The following PLCE1 variants were observed in gnomAD, a reference collection of about 807,000 sequenced individuals.
The protein encoded by PLCE1 is phospholipase C epsilon 1, also known as 1-phosphatidylinositol 4,5-bisphosphate phosphodiesterase epsilon-1.
PLCE1 carries 119 observed loss-of-function variants against 242.8 expected under a neutral mutation model. That is an observed-to-expected ratio of 0.49 (90% CI 0.42 to 0.57). The LOEUF (loss-of-function observed/expected upper bound fraction) is 0.57, where lower values mean the gene tolerates loss of function less well. PLCE1 is among the 20% of genes least tolerant of loss of function. The pLI is 0.00. For synonymous variants in PLCE1, 945 were observed against 1,017.4 expected, an observed-to-expected ratio of 0.93 and a Z score of 1.35; for missense variants, 2,441 against 2,788.8, an observed-to-expected ratio of 0.88 and a Z score of 2.81.
At chr10:94,095,915 G>T (rs1343473927) in intron 2 of PLCE1, among the ~76,000 whole-genome samples, 1 of 152,166 alleles carries the variant, frequency 6.6e-6, no homozygotes, top group Non-Finnish European at 1.5e-5. Context: ...TTGTGGCCCA[G>T]CTCCCAGGCC....
At chr10:94,044,121 A>C (rs2061831238) in intron 2 of PLCE1, among the ~76,000 whole-genome samples, 2 of 152,234 alleles carry the variant, frequency 1.3e-5, no homozygotes, top group South Asian at 4.1e-4. Context: ...AGATGCCCTG[A>C]GAATCCAGTG....
intron 2 of PLCE1, among the ~76,000 whole-genome samples, chr10:94,072,635 C>A (rs2044393854): frequency 1.3e-5 from 2 of 152,176 alleles, no homozygotes; most frequent in Middle Eastern, 3.2e-3. Context: ...AGGAACTCTT[C>A]AGAATGTCTC....
At chr10:94,308,541 C>A (rs199738177) in intron 26 of PLCE1, 40 bp from the exon 27 acceptor site, 13 of 1,347,922 alleles carry the variant, frequency 9.6e-6, no homozygotes, top group Non-Finnish European at 1.4e-5. Context: ...TTTTCAGTAG[C>A]CATGGTTAAC....
intron 3 of PLCE1, among the ~76,000 whole-genome samples, chr10:94,136,689 A>G (rs7912723): frequency 0.027 from 4,037 of 152,338 alleles, 167 homozygotes; most frequent in African/African-American, 0.092. Context: ...GCCAATAATC[A>G]GAACACAAAC....
In PLCE1 at chr10:94,317,536, AAAT is replaced by A. The variant is rs370062308; in HGVS notation, c.6342+788_6342+790del. The stretch of plus-strand genomic sequence containing the variant: ...ATAGAAGCTTCCATGCTTACAAGTA[AAAT>A]AATAATATTTCTTTGAAAATATTCC... On this transcript the variant is annotated intron_variant, in intron 29 of 32. Coordinates refer to ENST00000371380, the MANE Select transcript of PLCE1 (RefSeq NM_016341.4). 1.8e-4 allele frequency among the ~76,000 whole-genome samples: 27 copies of A among 152,308 alleles called. No homozygotes were observed. The South Asian group carries it at 3.9e-3, about 22-fold the overall frequency.
intron 11 of PLCE1, 137 bp downstream of exon 11, chr10:94,255,186 A>G (rs997568343): frequency 2.0e-6 from 2 of 1,013,386 alleles, no homozygotes; most frequent in Admixed American, 4.5e-5. Flanking sequence ...GAAAAATCCC[A>G]AAATTTTAAA....
chr10:94,317,413 G>A (rs2053613902), intron 29 of PLCE1, among the ~76,000 whole-genome samples: 2 of 152,166 alleles, frequency 1.3e-5, no homozygotes, highest in African/African-American at 2.4e-5. Context: ...AAAAGACATC[G>A]TTGTGAGGGT....
intron 11 of PLCE1, among the ~76,000 whole-genome samples, chr10:94,255,622 G>A (rs2051044897): frequency 6.6e-6 from 1 of 152,122 alleles, no homozygotes; most frequent in Middle Eastern, 3.2e-3. Flanking sequence ...ATGTCTAGAG[G>A]AATGAATTCA....
At chr10:94,178,242 G>C (rs1407744918) in intron 4 of PLCE1, among the ~76,000 whole-genome samples, 1 of 152,134 alleles carries the variant, frequency 6.6e-6, no homozygotes, top group Admixed American at 6.5e-5. Context: ...TGTCCTAAGA[G>C]GGCAGTTTTT....
chr10:94,099,440 A>G (rs928798304), intron 2 of PLCE1, among the ~76,000 whole-genome samples: 2 of 152,238 alleles, frequency 1.3e-5, no homozygotes, highest in South Asian at 4.1e-4. Context: ...CAGTTTGCAT[A>G]CATTTACCTA....
intron 4 of PLCE1, among the ~76,000 whole-genome samples, chr10:94,196,004 A>G (rs1332439391): frequency 6.6e-6 from 1 of 152,204 alleles, no homozygotes; most frequent in Non-Finnish European, 1.5e-5. Context: ...TTTGAATCCC[A>G]GCCACATTGT....
intron 2 of PLCE1, among the ~76,000 whole-genome samples, chr10:94,046,799 C>A (rs11596720): frequency 0.083 from 12,562 of 152,162 alleles, 735 homozygotes; most frequent in Non-Finnish European, 0.12. Flanking sequence ...AGTTACTTAC[C>A]CTCTCTGTGC....
chr10:94,295,282 A>G (rs1233168442), intron 23 of PLCE1, among the ~76,000 whole-genome samples: 2 of 152,158 alleles, frequency 1.3e-5, no homozygotes, highest in Non-Finnish European at 2.9e-5. Context: ...AACTAAATGT[A>G]TGAAATATTC....
At chr10:94,085,985 C>A (rs184809323) in intron 2 of PLCE1, among the ~76,000 whole-genome samples, 14 of 152,158 alleles carry the variant, frequency 9.2e-5, no homozygotes, top group African/African-American at 3.4e-4. Flanking sequence ...TCTCAGTCAA[C>A]AAATATTTGT....
At chr10:94,035,259 C>T (rs1299510703) in intron 2 of PLCE1, among the ~76,000 whole-genome samples, 3 of 152,138 alleles carry the variant, frequency 2.0e-5, no homozygotes, top group African/African-American at 7.2e-5. Flanking sequence ...GCTTTAGAAC[C>T]TTTATCATTG....
Position 94,031,758 on chromosome 10 carries a change from A to T in PLCE1, c.712A>T (p.Met238Leu). 1 of 1,613,752 alleles carries T rather than the reference A, an allele frequency of 6.2e-7. No individual in the cohort carries two copies. The highest frequency in any genetic ancestry group is 8.5e-7 in the Non-Finnish European group (1 of 1,179,868). The change falls in exon 2 of 33, where the codon ATG becomes TTG. Residue 238 changes from methionine to leucine, a missense_variant. Met to Leu is a conservative substitution (Grantham distance 15). Transcript: ENST00000371380. ...KNYVAYTCKLMELAKNCDNKN... is the reference protein window; with the variant it reads ...KNYVAYTCKLLELAKNCDNKN... ...CTATGTGGCATATACCTGTAAACTG[A>T]TGGAATTGGCCAAAAATTGTGATAA...
At chr10:94,119,921 G>A (rs1269150460) in intron 2 of PLCE1, among the ~76,000 whole-genome samples, 2 of 152,186 alleles carry the variant, frequency 1.3e-5, no homozygotes, top group African/African-American at 4.8e-5. Flanking sequence ...GGCATAGACG[G>A]CTTATCTTTC....
At chr10:94,153,390 T>C (rs1357480509) in intron 3 of PLCE1, among the ~76,000 whole-genome samples, 2 of 151,430 alleles carry the variant, frequency 1.3e-5, no homozygotes, top group Non-Finnish European at 2.9e-5. Context: ...AAAAAAACAC[T>C]CAACAAAATA....
intron 23 of PLCE1, among the ~76,000 whole-genome samples, chr10:94,295,147 A>G (rs1454600715): frequency 6.6e-6 from 1 of 151,532 alleles, no homozygotes; most frequent in Non-Finnish European, 1.5e-5. Flanking sequence ...CGATCTCCTC[A>G]CCTCATGATC....
Sources: allele counts gnomAD v4.1 joint callset (sites outside exome capture counted in the v4.1 genomes callset), GRCh38; gene constraint gnomAD v4.1.1; transcripts MANE v1.5; gene names NCBI Gene and HGNC (gene_info 2026-07-23, HGNC 2026-07-21).